SPTBN5: variants seen among roughly 807,000 people sequenced by gnomAD.
SPTBN5 encodes the protein spectrin beta chain, non-erythrocytic 5.
In SPTBN5, 513 loss-of-function variants were observed where a neutral mutation model predicts 477.6. The ratio of observed to expected loss-of-function variants is 1.07; its 90% CI spans 1.00 to 1.16. The LOEUF is 1.16. SPTBN5 is among the 50% of genes most tolerant of loss of function. The pLI is 0.00. For missense variants in SPTBN5, 5,062 were observed against 4,731.8 expected (o/e 1.07, Z -2.05); for synonymous variants, 2,169 against 2,011.7 (o/e 1.08, Z -2.09).
chr15:41,856,649 T>C, intron 52 of SPTBN5, 51 bp from the exon 53 acceptor site: 2 of 1,491,628 alleles, frequency 1.3e-6, no homozygotes, highest in Non-Finnish European at 1.8e-6. Flanking sequence ...CTTGGGGGAC[T>C]CCCACAGTTG....
At position 41,857,364 on chromosome 15, in the gene SPTBN5, A is replaced by C. The variant is rs375038380; in HGVS notation, c.8495T>G (p.Leu2832Arg). The C allele has an allele frequency of 6.3e-7, 1 of 1,576,112 alleles. No homozygotes were observed. The highest frequency in any genetic ancestry group is 1.4e-5 in the African/African-American group (1 of 73,940). The change falls in exon 51 of 68, where the codon CTG becomes CGG. Residue 2832 changes from leucine (L) to arginine (R), a missense_variant. Coordinates refer to ENST00000320955, the MANE Select transcript of SPTBN5 (RefSeq NM_016642.4). ...VGELLGTQRE[L>R]EAAVDKKARQ... The stretch of plus-strand genomic sequence containing the variant: ...GGCCTTCTTGTCCACTGCTGCCTCC[A>C]GCTCCCTCTGTGTGCCCAGGAGCTC...
In SPTBN5 at chr15:41,886,140, C is replaced by T. The variant is rs756377333; in HGVS notation, c.1115G>A (p.Arg372Gln). ...QRGAAEALLF[R>Q]LQTALQAQNR... ...CTGGGCTTGGAGTGCTGTCTGTAGC[C>T]GGAAGAGCAGGGCCTCTGCGGCCCC... The change falls in exon 7 of 68, where the codon CGG (arginine) becomes CAG (glutamine). Residue 372 changes from arginine to glutamine, a missense_variant. By Grantham distance (43) the Arg-to-Gln change is conservative (BLOSUM62 1). Coordinates refer to ENST00000320955, the MANE Select transcript of SPTBN5 (RefSeq NM_016642.4). 8.7e-6 allele frequency: 14 copies of T among 1,611,660 alleles called. No individual in the cohort carries two copies. The East Asian group carries it at 8.9e-5, about 10-fold the overall frequency.
In SPTBN5 at chr15:41,861,949, C is replaced by A. The variant is rs372493048; in HGVS notation, c.7549-26G>T. On this transcript the variant is annotated intron_variant, in intron 44 of 67. Coordinates refer to ENST00000320955, the MANE Select transcript of SPTBN5 (RefSeq NM_016642.4). ...CTGGAACAGGACTGGGCTCAGATCA[C>A]TGGGGGCTGGAAGCAGCCCAGCAGG... The A allele has an allele frequency of 4.2e-5, 67 of 1,584,648 alleles. 1 individual carries two copies. The highest frequency in any genetic ancestry group is 2.3e-4 in the East Asian group (10 of 44,082).
intron 66 of SPTBN5, chr15:41,850,524 A>G (rs1003978237): frequency 1.2e-5 from 4 of 336,038 alleles, no homozygotes; most frequent in Non-Finnish European, 2.2e-5. Context: ...GAGCCTGGAA[A>G]GCCCTTGGAG....
In SPTBN5 at chr15:41,856,605, G is replaced by A; in HGVS notation, c.8809-7C>T. ...TCATCTCACTCTCCAGGTTCTGCGG[G>A]GGAGGAGGCAGGAGGATGCGGATGT... On this transcript the variant is annotated splice_polypyrimidine_tract_variant and splice_region_variant and intron_variant, in intron 52 of 67. Coordinates refer to ENST00000320955, the MANE Select transcript of SPTBN5 (RefSeq NM_016642.4). 1.3e-6 allele frequency: 2 copies of A among 1,572,148 alleles called. No homozygotes were observed. The highest frequency in any genetic ancestry group is 1.7e-6 in the Non-Finnish European group (2 of 1,165,430).
chr15:41,849,557 C>T (rs2065679115), intron 67 of SPTBN5, among the ~76,000 whole-genome samples: 1 of 152,176 alleles, frequency 6.6e-6, no homozygotes, highest in South Asian at 2.1e-4. Context: ...GGAAACCTGG[C>T]TGCTCCTCCC....
intron 51 of SPTBN5, 55 bp downstream of exon 51, chr15:41,857,183 T>G (rs1211248019): frequency 1.9e-6 from 3 of 1,541,196 alleles, no homozygotes; most frequent in Admixed American, 3.8e-5. Context: ...AGGGCAGGGG[T>G]GGGGGTCCCT....
In SPTBN5 at chr15:41,874,836, C is replaced by T. The variant is rs1255537777; in HGVS notation, c.4502+6G>A. On this transcript the variant is annotated splice_donor_region_variant and intron_variant, in intron 23 of 67. Coordinates refer to ENST00000320955, the MANE Select transcript of SPTBN5 (RefSeq NM_016642.4). ...ACACACAGGTGGGTGGGAGGACAGA[C>T]CCCACCTCCGGAGGTGCTTCTGGGT... 3 of 1,599,512 alleles carry T rather than the reference C, an allele frequency of 1.9e-6. No individual in the cohort carries two copies. Among genetic ancestry groups the T allele is most frequent in the Admixed American group, 1.7e-5 (1 of 59,648 alleles).
intron 18 of SPTBN5, 78 bp from the exon 19 acceptor site, chr15:41,877,026 C>T (rs2066762569): frequency 3.1e-6 from 5 of 1,590,074 alleles, no homozygotes; most frequent in Non-Finnish European, 4.3e-6. Flanking sequence ...CCCCAGGGGC[C>T]TCCTGCCCAG....
intron 26 of SPTBN5, 28 bp downstream of exon 26, chr15:41,873,464 A>G (rs2066611377): frequency 1.3e-6 from 2 of 1,501,820 alleles, no homozygotes; most frequent in South Asian, 2.4e-5. Flanking sequence ...CCCAGACCAC[A>G]CTGCAGGGGA....
chr15:41,855,852 G>C, intron 53 of SPTBN5, 107 bp from the exon 54 acceptor site: 1 of 1,209,930 alleles, frequency 8.3e-7, no homozygotes, highest in Non-Finnish European at 1.1e-6. Context: ...CCTGGGAGCT[G>C]TCACGCTCCC....
Position 41,852,851 on chromosome 15 carries a change from C to T in SPTBN5, c.10320G>A (p.Glu3440=), listed in dbSNP as rs55978013. Residue 3440 remains glutamate, a synonymous_variant, in exon 60 of 68, where the codon GAG becomes GAA. Transcript: ENST00000320955. Reference sequence around the variant, plus strand: ...CATAGTCGGGCTTCAGCAGGAGTCCCTCCCAGCAGGCCAGCCAGGCCTCAG... The same window carrying T: ...CATAGTCGGGCTTCAGCAGGAGTCCTTCCCAGCAGGCCAGCCAGGCCTCAG... ...EQAEAWLACW[E]GLLLKPDYGH... 0.11 allele frequency: 169,684 copies of T among 1,606,972 alleles called. 9,859 individuals carry two copies. The highest frequency in any genetic ancestry group is 0.14 in the South Asian group (12,636 of 90,730).
At position 41,849,753 on chromosome 15, in the gene SPTBN5, C is replaced by A. The variant is rs2065688079; in HGVS notation, c.11012+116G>T. ...CAGCTGAGGGTTCCAATAGCATTTC[C>A]CTACAGCCCAACAGAGTAAGTCTGA... On this transcript the variant is annotated intron_variant, in intron 67 of 67. Transcript: ENST00000320955. The A allele has an allele frequency of 7.6e-6, 6 of 790,214 alleles. No homozygotes were observed. In the East Asian group the frequency reaches 1.3e-4, roughly 18 times the overall value. The allele number at this position is 790,214 out of a possible 1,614,324, so 49.0% of individuals were successfully genotyped here.
rs1567175532 is a variant in SPTBN5, at chr15:41,848,280, G to A, written c.*336C>T. On this transcript the variant is annotated 3_prime_UTR_variant, in exon 68 of 68. Transcript: ENST00000320955. ...TCCGAAGAGCACATTCTCTGCACACGTCTGCGTCTACCTGTGCTCAGAGTC... is the reference window on the plus strand; with the variant it reads ...TCCGAAGAGCACATTCTCTGCACACATCTGCGTCTACCTGTGCTCAGAGTC... 5.9e-6 allele frequency: 3 copies of A among 511,146 alleles called. No homozygotes were observed. Among genetic ancestry groups the A allele is most frequent in the Non-Finnish European group, 1.1e-5 (3 of 281,644 alleles). The allele number at this position is 511,146 out of a possible 1,614,324, so 31.7% of individuals were successfully genotyped here. A position where few individuals can be genotyped will look rare whatever the true frequency, so the allele number is the denominator to read the frequency against.
chr15:41,856,765 T>A, intron 52 of SPTBN5, 88 bp downstream of exon 52: 3 of 1,413,234 alleles, frequency 2.1e-6, no homozygotes, highest in East Asian at 5.0e-5. Flanking sequence ...AGGCAGAGAG[T>A]TCCTGGCTGG....
chr15:41,883,259 C>T lies in SPTBN5; in HGVS notation c.1660-31G>A, dbSNP rs574387587. On this transcript the variant is annotated intron_variant, in intron 8 of 67. Coordinates refer to ENST00000320955, the MANE Select transcript of SPTBN5 (RefSeq NM_016642.4). Reference sequence around the variant, plus strand: ...CAGAGATGATGGTCATTGCAGTGGTCCCAAGGTGCTGGGTCCCTCTGAGCA... The same window carrying T: ...CAGAGATGATGGTCATTGCAGTGGTTCCAAGGTGCTGGGTCCCTCTGAGCA... The T allele has an allele frequency of 3.6e-5, 58 of 1,605,100 alleles. No homozygotes were observed. In the South Asian group the frequency reaches 5.8e-4, roughly 16 times the overall value.
Position 41,851,303 on chromosome 15 carries a change from C to T in SPTBN5, c.10723G>A (p.Asp3575Asn). 2 of 1,551,230 alleles carry T rather than the reference C, an allele frequency of 1.3e-6. No homozygotes were observed. Among genetic ancestry groups the T allele is most frequent in the Non-Finnish European group, 1.7e-6 (2 of 1,147,002 alleles). The stretch of plus-strand genomic sequence containing the variant: ...GGTACCTCCGCTGCCATCCTCTCAT[C>T]CAGGAACAGGCTCAGAGAGCTGCCC... ...LQGSSLSLFL[D>N]ERMAAEKVAS... Residue 3575 changes from aspartate to asparagine, a missense_variant, in exon 64 of 68, where the codon GAT becomes AAT. Coordinates refer to ENST00000320955, the MANE Select transcript of SPTBN5 (RefSeq NM_016642.4).
intron 39 of SPTBN5, among the ~76,000 whole-genome samples, chr15:41,864,365 T>A (rs776296543): frequency 1.3e-5 from 2 of 152,152 alleles, no homozygotes; most frequent in Non-Finnish European, 2.9e-5. Context: ...TGCACTGTTG[T>A]TGTAGTGGCA....
chr15:41,882,523 G>C, intron 10 of SPTBN5, 54 bp from the exon 11 acceptor site: 1 of 1,575,092 alleles, frequency 6.3e-7, no homozygotes, highest in Non-Finnish European at 8.6e-7. Context: ...GGAGGGGGCC[G>C]GGGGCCCGAG....
Sources: gnomAD v4.1 joint callset for allele counts (sites outside exome capture counted in the v4.1 genomes callset) on GRCh38, gnomAD v4.1.1 for gene constraint, MANE v1.5 for transcripts, NCBI Gene and HGNC (gene_info 2026-07-23, HGNC 2026-07-21) for gene names.